Variants in SRRM4 observed in about 807,000 individuals in gnomAD.
The protein encoded by SRRM4 is serine/arginine repetitive matrix 4, also known as serine/arginine repetitive matrix protein 4.
In SRRM4, 33 loss-of-function variants were observed where a neutral mutation model predicts 68.9. The ratio of observed to expected loss-of-function variants is 0.48; its 90% CI spans 0.36 to 0.64. The LOEUF (loss-of-function observed/expected upper bound fraction) is 0.64. Ranked by LOEUF, SRRM4 falls within the 30% of genes least tolerant of loss-of-function variation. The pLI, the probability that SRRM4 is intolerant of heterozygous loss-of-function variation, is 0.00. For missense variants in SRRM4, 817 were observed against 827.1 expected (o/e 0.99, Z 0.15); for synonymous variants, 318 against 318.8 (o/e 1.00, Z 0.03).
At position 119,125,474 on chromosome 12, in the gene SRRM4, G is replaced by C. The variant is rs866503767; in HGVS notation, c.609G>C (p.Glu203Asp). ...CGGAGTCCCGCCCCTCAAGCTGTGAGAGCAGGTAACCCCTTGCCCCAGGAT... is the reference window on the plus strand; with the variant it reads ...CGGAGTCCCGCCCCTCAAGCTGTGACAGCAGGTAACCCCTTGCCCCAGGAT... ...QSSESRPSSC[E>D]SRHRGRSPEE... The change falls in exon 7 of 13, where the codon GAG becomes GAC. Residue 203 changes from glutamate to aspartate, a missense_variant. Physicochemically the swap from Glu to Asp is conservative, Grantham distance 45. Transcript: ENST00000267260. The C allele has an allele frequency of 2.5e-6, 4 of 1,586,318 alleles. No individual in the cohort carries two copies. The African/African-American group carries it at 4.2e-5, about 17-fold the overall frequency.
chr12:119,117,545 C>T (rs984026724), intron 4 of SRRM4, among the ~76,000 whole-genome samples: 3 of 151,878 alleles, frequency 2.0e-5, no homozygotes, highest in South Asian at 2.1e-4. Context: ...GATGCAGTGA[C>T]GGTAGTTACA....
intron 8 of SRRM4, among the ~76,000 whole-genome samples, chr12:119,135,510 A>G (rs1249070416): frequency 6.6e-6 from 1 of 152,216 alleles, no homozygotes; most frequent in Non-Finnish European, 1.5e-5. Flanking sequence ...TGATTAAGAC[A>G]TGAACTTTGG....
chr12:119,083,129 C>G (rs541351901), intron 1 of SRRM4, among the ~76,000 whole-genome samples: 17 of 152,158 alleles, frequency 1.1e-4, no homozygotes, highest in African/African-American at 2.6e-4. Context: ...GCCCTTCAGA[C>G]CCTACTCAGT....
At chr12:118,992,080 TGAGA>T (rs1313107498) in intron 1 of SRRM4, 1 of 152,340 alleles carries the variant, frequency 6.6e-6, no homozygotes, top group East Asian at 1.9e-4. Context: ...CATTTCTCAC[TGAGA>T]GAGATATGAG....
chr12:119,145,261 C>T, intron 8 of SRRM4, 120 bp from the exon 9 acceptor site: 2 of 871,222 alleles, frequency 2.3e-6, no homozygotes, highest in South Asian at 4.3e-5. Context: ...CTTCTTTCTT[C>T]TCCTCTCTCT....
Position 119,066,774 on chromosome 12 carries a change from C to T in SRRM4, c.132-35462C>T, listed in dbSNP as rs373125899. Among the ~76,000 whole-genome samples, 5 of 152,284 alleles carry T rather than the reference C, an allele frequency of 3.3e-5. No homozygotes were observed. The East Asian group carries it at 7.7e-4, about 24-fold the overall frequency. On this transcript the variant is annotated intron_variant, in intron 1 of 12. Transcript: ENST00000267260. ...GTGCTGGAGAACGAGTTACATAGTTCCTCCCTCTTTTGTAAATCCACCATC... is the reference window on the plus strand; with the variant it reads ...GTGCTGGAGAACGAGTTACATAGTTTCTCCCTCTTTTGTAAATCCACCATC...
intron 4 of SRRM4, among the ~76,000 whole-genome samples, chr12:119,118,969 C>A (rs1017344622): frequency 2.6e-5 from 4 of 152,116 alleles, no homozygotes; most frequent in Non-Finnish European, 5.9e-5. Flanking sequence ...CCTGGTCCAG[C>A]CTCTCCAGGC....
intron 12 of SRRM4, among the ~76,000 whole-genome samples, chr12:119,155,513 G>C (rs1181794078): frequency 2.6e-5 from 4 of 152,222 alleles, no homozygotes; most frequent in African/African-American, 4.8e-5. Flanking sequence ...CAGGCGGATT[G>C]CTGGATCTCA....
At chr12:119,002,657 T>G (rs1187249570) in intron 1 of SRRM4, among the ~76,000 whole-genome samples, 3 of 152,206 alleles carry the variant, frequency 2.0e-5, no homozygotes, top group Non-Finnish European at 4.4e-5. Flanking sequence ...TTTTCCTGTC[T>G]GATACAGCCT....
chr12:119,017,213 G>A (rs1457994345), intron 1 of SRRM4, among the ~76,000 whole-genome samples: 2 of 152,210 alleles, frequency 1.3e-5, no homozygotes, highest in Non-Finnish European at 2.9e-5. Context: ...CCTTGGATGA[G>A]TGAATGAATG....
At chr12:119,020,425 C>A (rs1319090053) in intron 1 of SRRM4, among the ~76,000 whole-genome samples, 2 of 152,216 alleles carry the variant, frequency 1.3e-5, no homozygotes, top group Non-Finnish European at 2.9e-5. Flanking sequence ...GTCTAAATAT[C>A]TGAATTAAAT....
At position 119,116,910 on chromosome 12, in the gene SRRM4, T is replaced by C. The variant is rs758918577; in HGVS notation, c.366-27T>C. ...ACCTTGGCCTTTAAGAGCCTCCTTCTGAAATGTGTCTTCTTGGCCCTGGCA... is the reference window on the plus strand; with the variant it reads ...ACCTTGGCCTTTAAGAGCCTCCTTCCGAAATGTGTCTTCTTGGCCCTGGCA... On this transcript the variant is annotated intron_variant, in intron 3 of 12. Coordinates refer to ENST00000267260, the MANE Select transcript of SRRM4 (RefSeq NM_194286.4). 23 of 1,611,478 alleles carry C rather than the reference T, an allele frequency of 1.4e-5. No individual in the cohort carries two copies. In the Middle Eastern group the frequency reaches 4.9e-4, roughly 35 times the overall value.
chr12:119,136,470 G>GTTTGTTTGTTTTGTTTTGTTTTGT (rs1954328943), intron 8 of SRRM4, among the ~76,000 whole-genome samples: 1 of 151,902 alleles, frequency 6.6e-6, no homozygotes, highest in African/African-American at 2.4e-5. Context: ...ATTGGTTTTT[G>GTTTGTTTGTTTTGTTTTGTTTTGT]TTTGTTTTGT....
chr12:118,988,636 T>TA (rs372849090), intron 1 of SRRM4, among the ~76,000 whole-genome samples: 26 of 151,586 alleles, frequency 1.7e-4, no homozygotes, highest in African/African-American at 4.6e-4. Context: ...GCACGTTGGC[T>TA]AAAAAAAAAT....
chr12:119,004,075 T>C (rs1953401517), intron 1 of SRRM4, among the ~76,000 whole-genome samples: 3 of 152,072 alleles, frequency 2.0e-5, no homozygotes, highest in Admixed American at 2.0e-4. Context: ...AAATGAGTCA[T>C]GTGTTATTAT....
rs1954320236 is a variant in SRRM4, at chr12:119,135,142, G to A, written c.771+4308G>A. Among the ~76,000 whole-genome samples the A allele has an allele frequency of 1.3e-5, 2 of 152,282 alleles. 1 individual carries two copies. The highest frequency in any genetic ancestry group is 4.1e-4 in the South Asian group (2 of 4,824). On this transcript the variant is annotated intron_variant, in intron 8 of 12. Coordinates refer to ENST00000267260, the MANE Select transcript of SRRM4 (RefSeq NM_194286.4). ...ATGAGTTGTGGTTTGTGCCTTGAAA[G>A]CTTACCCTGATAGTTGGCATGGAGG...
At chr12:119,006,763 A>G (rs1408467616) in intron 1 of SRRM4, among the ~76,000 whole-genome samples, 1 of 152,344 alleles carries the variant, frequency 6.6e-6, no homozygotes, top group Admixed American at 6.5e-5. Context: ...CACTGATTCT[A>G]TTGGTCAAAT....
At chr12:119,088,691 T>TG (rs1041281041) in intron 1 of SRRM4, among the ~76,000 whole-genome samples, 9 of 121,458 alleles carry the variant, frequency 7.4e-5, no homozygotes, top group Non-Finnish European at 1.6e-4. Flanking sequence ...GGGTAATAAG[T>TG]GGGGGGCCAC....
At chr12:119,059,632 G>A (rs1953798472) in intron 1 of SRRM4, among the ~76,000 whole-genome samples, 1 of 152,156 alleles carries the variant, frequency 6.6e-6, no homozygotes, top group South Asian at 2.1e-4. Flanking sequence ...TGGAAGCTGG[G>A]GAGGTGGAAA....
Sources: allele counts gnomAD v4.1 joint callset (sites outside exome capture counted in the v4.1 genomes callset), GRCh38; gene constraint gnomAD v4.1.1; transcripts MANE v1.5; gene names NCBI Gene and HGNC (gene_info 2026-07-23, HGNC 2026-07-21).